The following TRA2B variants were observed in gnomAD, a reference collection of about 807,000 sequenced individuals.
The protein encoded by TRA2B is transformer-2 protein homolog beta.
Under a neutral mutation model 41.7 loss-of-function variants are expected in TRA2B, and 14 were observed. The observed-to-expected ratio is 0.34, with a 90% confidence interval of 0.22 to 0.53. TRA2B has a LOEUF of 0.53. TRA2B is among the 20% of genes least tolerant of loss of function. The pLI is 0.95. For synonymous variants in TRA2B, 130 were observed against 128.8 expected (o/e 1.01, Z -0.06); for missense variants, 167 against 396.8 (o/e 0.42, Z 4.92).
At chr3:185,927,510 T>TAC (rs764924047) in intron 1 of TRA2B, 58 of 152,324 alleles carry the variant, frequency 3.8e-4, no homozygotes, top group African/African-American at 1.3e-3. Flanking sequence ...TAACCTAACT[T>TAC]ACCTAGTTAC....
intron 1 of TRA2B, among the ~76,000 whole-genome samples, chr3:185,930,137 T>C (rs1327228503): frequency 2.0e-5 from 3 of 152,210 alleles, no homozygotes; most frequent in Non-Finnish European, 2.9e-5. Context: ...GCTTGGGTCA[T>C]AACCAGATTC....
At chr3:185,917,811 G>A (rs1025243348) in intron 8 of TRA2B, 86 bp from the exon 9 acceptor site, 11 of 1,452,184 alleles carry the variant, frequency 7.6e-6, no homozygotes, top group South Asian at 3.5e-5. Flanking sequence ...AGAATATTCT[G>A]CCATTAAGAA....
chr3:185,920,957 CT>C, intron 6 of TRA2B, 146 bp downstream of exon 6: 3 of 530,972 alleles, frequency 5.7e-6, no homozygotes, highest in South Asian at 4.0e-5. Flanking sequence ...GACACAGAAC[CT>C]TAGAATCTGA....
chr3:185,925,669 ATT>A, intron 2 of TRA2B, 43 bp from the exon 3 acceptor site: 1 of 1,569,850 alleles, frequency 6.4e-7, no homozygotes, highest in South Asian at 1.2e-5. Context: ...GAAAACAAAT[ATT>A]GTCTTCTTTA....
At chr3:185,925,403 T>C in intron 3 of TRA2B, 61 bp downstream of exon 3, 1 of 1,579,716 alleles carries the variant, frequency 6.3e-7, no homozygotes, top group South Asian at 1.2e-5. Context: ...AAATCAGCTC[T>C]AACTTTAAGA....
At chr3:185,933,884 C>CTT (rs951837232) in intron 1 of TRA2B, among the ~76,000 whole-genome samples, 6 of 152,080 alleles carry the variant, frequency 3.9e-5, no homozygotes, top group African/African-American at 1.4e-4. Context: ...AGAAGACTAC[C>CTT]TTTTAACCTA....
intron 4 of TRA2B, 149 bp from the exon 5 acceptor site, chr3:185,922,275 G>A: frequency 4.2e-6 from 2 of 478,366 alleles, no homozygotes; most frequent in Non-Finnish European, 7.4e-6. Context: ...ACTTACAAAT[G>A]TGTTGTTCCC....
At chr3:185,937,073 TAAC>T (rs1221017806) in intron 1 of TRA2B, 15 of 985,302 alleles carry the variant, frequency 1.5e-5, no homozygotes, top group Middle Eastern at 5.2e-4. Flanking sequence ...AAAATCATCT[TAAC>T]GACTTTGTGG....
intron 1 of TRA2B, chr3:185,928,903 G>C (rs908131375): frequency 1.2e-4 from 19 of 152,100 alleles, no homozygotes; most frequent in African/African-American, 4.3e-4. Flanking sequence ...AAGATGCTTC[G>C]GCAGCCTGTC....
At chr3:185,933,583 A>G (rs1480581491) in intron 1 of TRA2B, among the ~76,000 whole-genome samples, 1 of 151,764 alleles carries the variant, frequency 6.6e-6, no homozygotes, top group African/African-American at 2.4e-5. Flanking sequence ...TGGGAGGGAC[A>G]GGGGCAAAGA....
At chr3:185,918,508 C>G (rs1219280388) in intron 7 of TRA2B, 70 bp from the exon 8 acceptor site, 1 of 1,032,290 alleles carries the variant, frequency 9.7e-7, no homozygotes, top group East Asian at 2.4e-5. Flanking sequence ...AAATTTATGA[C>G]TATATATACT....
intron 1 of TRA2B, chr3:185,931,956 T>TAAAAAA: frequency 2.0e-6 from 1 of 508,884 alleles, no homozygotes; most frequent in Middle Eastern, 6.4e-4. Flanking sequence ...TGATTTGGAT[T>TAAAAAA]AAAAAAAAAA....
At chr3:185,929,896 T>G (rs1393283217) in intron 1 of TRA2B, among the ~76,000 whole-genome samples, 2 of 152,214 alleles carry the variant, frequency 1.3e-5, no homozygotes, top group African/African-American at 4.8e-5. Flanking sequence ...CCTGAAACAC[T>G]GTCATCCCCT....
rs1744436013 is a variant in TRA2B, at chr3:185,937,939, C to T, written c.-79G>A. ...TTGCACCTTCCTTAAGGAGGCTCCG[C>T]CGCAGCCCCGCACGACGCGCCGGTC... On this transcript the variant is annotated 5_prime_UTR_variant, in exon 1 of 9. Transcript: ENST00000453386. 2 of 1,561,646 alleles carry T rather than the reference C, an allele frequency of 1.3e-6. No individual in the cohort carries two copies. Among genetic ancestry groups the T allele is most frequent in the Non-Finnish European group, 1.7e-6 (2 of 1,142,964 alleles).
chr3:185,924,996 T>C (rs538195868), intron 3 of TRA2B: 1 of 152,652 alleles, frequency 6.6e-6, no homozygotes, highest in South Asian at 2.1e-4. Context: ...CCACTTGGAT[T>C]ATACAGTGAA....
intron 1 of TRA2B, among the ~76,000 whole-genome samples, chr3:185,933,958 T>C (rs957241060): frequency 3.3e-5 from 5 of 152,182 alleles, no homozygotes; most frequent in Admixed American, 1.3e-4. Flanking sequence ...TAACAATCTA[T>C]GTTGATAACA....
chr3:185,931,260 A>G (rs1230203133), intron 1 of TRA2B, among the ~76,000 whole-genome samples: 1 of 152,206 alleles, frequency 6.6e-6, no homozygotes, highest in Admixed American at 6.5e-5. Context: ...AAAGACCACC[A>G]GTTCCAACCC....
chr3:185,922,256 A>G, intron 4 of TRA2B, 130 bp from the exon 5 acceptor site: 1 of 569,392 alleles, frequency 1.8e-6, no homozygotes, highest in Non-Finnish European at 3.1e-6. Flanking sequence ...CCAGAACGTA[A>G]GGTCTACAAC....
intron 4 of TRA2B, 105 bp downstream of exon 4, chr3:185,923,691 G>A (rs751266754): frequency 5.8e-5 from 63 of 1,083,660 alleles, no homozygotes; most frequent in Non-Finnish European, 7.5e-5. Context: ...GAAAAAGTTC[G>A]AAGTATTACT....
Sources: allele counts gnomAD v4.1 joint callset (sites outside exome capture counted in the v4.1 genomes callset), GRCh38; gene constraint gnomAD v4.1.1; transcripts MANE v1.5; gene names NCBI Gene and HGNC (gene_info 2026-07-23, HGNC 2026-07-21).